The following PPARGC1A variants were observed in gnomAD, a reference collection of about 807,000 sequenced individuals.
The protein encoded by PPARGC1A is PPARG coactivator 1 alpha.
A neutral mutation model predicts 88.7 loss-of-function variants in PPARGC1A; 25 were observed. The ratio of observed to expected loss-of-function variants is 0.28; its 90% CI spans 0.21 to 0.39. The LOEUF (loss-of-function observed/expected upper bound fraction) is 0.39. Among genes scored for constraint, PPARGC1A ranks in the 10% least tolerant of loss-of-function variants. The pLI, the probability that PPARGC1A is intolerant of heterozygous loss-of-function variation, is 1.00. For missense variants in PPARGC1A, 880 were observed against 968.7 expected (o/e 0.91, Z 1.22); for synonymous variants, 363 against 355.6 (o/e 1.02, Z -0.24).
At chr4:24,403,753 C>A in the PPARGC1A span, among the ~76,000 whole-genome samples, 1 of 152,150 alleles carries the variant, frequency 6.6e-6, no homozygotes, top group Non-Finnish European at 1.5e-5. Context: ...TAAGCTTCTG[C>A]AGTAAATTAG....
chr4:24,300,431 C>T, the PPARGC1A span, among the ~76,000 whole-genome samples: 2 of 129,072 alleles, frequency 1.5e-5, no homozygotes, highest in Non-Finnish European at 3.1e-5. Flanking sequence ...GAAGATGAAG[C>T]ATTGGATAAG....
the PPARGC1A span, among the ~76,000 whole-genome samples, chr4:24,200,524 A>G: frequency 4.6e-5 from 7 of 152,212 alleles, no homozygotes; most frequent in East Asian, 7.7e-4. Flanking sequence ...AAGAAAAAAA[A>G]AAGTAAAATT....
chr4:23,906,285 C>T (rs899504604), upstream of PPARGC1A, among the ~76,000 whole-genome samples: 2 of 151,964 alleles, frequency 1.3e-5, no homozygotes, highest in South Asian at 4.2e-4. Flanking sequence ...CGGAGTAAAA[C>T]ACATATTATG....
the PPARGC1A span, among the ~76,000 whole-genome samples, chr4:23,961,278 G>A: frequency 2.6e-5 from 4 of 152,030 alleles, no homozygotes; most frequent in Non-Finnish European, 5.9e-5. Flanking sequence ...GAAAGAAGAA[G>A]GTCAAAATCT....
chr4:24,265,951 T>G, the PPARGC1A span, among the ~76,000 whole-genome samples: 3 of 148,326 alleles, frequency 2.0e-5, no homozygotes, highest in South Asian at 2.2e-4. Context: ...AAGAGGGGAG[T>G]AAGGGAGTCA....
the PPARGC1A span, among the ~76,000 whole-genome samples, chr4:24,387,152 A>G: frequency 2.0e-5 from 3 of 152,342 alleles, no homozygotes; most frequent in Admixed American, 2.0e-4. Context: ...AGGATTCCCT[A>G]TTTAATAAAT....
chr4:24,166,192 T>A, the PPARGC1A span, among the ~76,000 whole-genome samples: 6 of 152,146 alleles, frequency 3.9e-5, no homozygotes, highest in Non-Finnish European at 5.9e-5. Context: ...TAATGCAGAG[T>A]AGAGCCCTAA....
At chr4:24,259,361 T>C in the PPARGC1A span, among the ~76,000 whole-genome samples, 19 of 152,180 alleles carry the variant, frequency 1.2e-4, no homozygotes, top group Non-Finnish European at 2.5e-4. Flanking sequence ...GCCAATATTG[T>C]TGCAGTATTT....
the PPARGC1A span, among the ~76,000 whole-genome samples, chr4:24,185,007 T>G: frequency 6.6e-6 from 1 of 152,184 alleles, no homozygotes; most frequent in Admixed American, 6.5e-5. Context: ...TGAGAATATT[T>G]TGTTCACGGT....
intron 10 of PPARGC1A, among the ~76,000 whole-genome samples, chr4:23,805,622 T>G (rs1201863109): frequency 6.6e-6 from 1 of 152,190 alleles, no homozygotes; most frequent in Non-Finnish European, 1.5e-5. Context: ...AAGGGAATCA[T>G]AACACCACAT....
At chr4:24,339,953 G>A in the PPARGC1A span, among the ~76,000 whole-genome samples, 1 of 152,012 alleles carries the variant, frequency 6.6e-6, no homozygotes, top group Non-Finnish European at 1.5e-5. Context: ...TAGCCAGGAT[G>A]GTTTCCATCT....
At chr4:24,248,056 G>A in the PPARGC1A span, among the ~76,000 whole-genome samples, 99 of 152,180 alleles carry the variant, frequency 6.5e-4, 1 homozygote, top group East Asian at 0.016. Flanking sequence ...CTTGGTCTGC[G>A]GCTGCAAAGA....
At chr4:24,459,610 T>C in the PPARGC1A span, among the ~76,000 whole-genome samples, 1 of 152,066 alleles carries the variant, frequency 6.6e-6, no homozygotes, top group African/African-American at 2.4e-5. Context: ...GGAAGCATGG[T>C]GAAACCCTGC....
chr4:24,126,152 G>T, the PPARGC1A span, among the ~76,000 whole-genome samples: 1 of 151,932 alleles, frequency 6.6e-6, no homozygotes, highest in Non-Finnish European at 1.5e-5. Flanking sequence ...GATCTTGCTG[G>T]GTCTACAATC....
At chr4:24,249,566 GAGA>G in the PPARGC1A span, among the ~76,000 whole-genome samples, 2 of 152,292 alleles carry the variant, frequency 1.3e-5, 1 homozygote. Flanking sequence ...TTTACAGTCA[GAGA>G]AGGAGGAACT....
the PPARGC1A span, among the ~76,000 whole-genome samples, chr4:24,463,339 C>T: frequency 6.6e-6 from 1 of 152,136 alleles, no homozygotes; most frequent in South Asian, 2.1e-4. Flanking sequence ...TTTTTTACTG[C>T]TTCTGGATTT....
chr4:23,976,311 A>T, the PPARGC1A span, among the ~76,000 whole-genome samples: 1 of 152,210 alleles, frequency 6.6e-6, no homozygotes, highest in Admixed American at 6.5e-5. Flanking sequence ...AGTAGAGCTG[A>T]TCTCTGGGGA....
the PPARGC1A span, among the ~76,000 whole-genome samples, chr4:24,214,083 T>C: frequency 6.6e-6 from 1 of 152,190 alleles, no homozygotes; most frequent in Non-Finnish European, 1.5e-5. Context: ...AAGCACAATT[T>C]CCTCCCAATC....
the PPARGC1A span, among the ~76,000 whole-genome samples, chr4:24,122,428 T>TGC: frequency 2.4e-3 from 341 of 141,852 alleles, 5 homozygotes; most frequent in East Asian, 0.044. Flanking sequence ...TATATATATA[T>TGC]ATATATATAG....
Sources: gnomAD v4.1 joint callset for allele counts (sites outside exome capture counted in the v4.1 genomes callset) on GRCh38, gnomAD v4.1.1 for gene constraint, MANE v1.5 for transcripts, NCBI Gene and HGNC (gene_info 2026-07-23, HGNC 2026-07-21) for gene names.